Variants in RS1 observed in about 807,000 individuals in gnomAD.
RS1 encodes the protein retinoschisin 1.
A neutral mutation model predicts 20.8 loss-of-function variants in RS1; 2 were observed. That is an observed-to-expected ratio of 0.10 (90% CI 0.04 to 0.30). The LOEUF is 0.30. Ranked by LOEUF, RS1 falls within the 10% of genes least tolerant of loss-of-function variation. RS1 has a pLI of 1.00. For synonymous variants in RS1, 70 were observed against 75.8 expected (o/e 0.92, Z 0.40); for missense variants, 151 against 189.8 (o/e 0.80, Z 1.20).
rs776601149 is a variant in RS1 at position 18,653,529 on chromosome X, A to G, written c.184+3124T>C. Reference sequence around the variant, plus strand: ...TCCTGACATACCATGAGAATGCGGCACTGACGGGCAAGTGACTTCTGCAAG... The same window carrying G: ...TCCTGACATACCATGAGAATGCGGCGCTGACGGGCAAGTGACTTCTGCAAG... On this transcript the variant is annotated intron_variant, in intron 3 of 5. Transcript: ENST00000379984. 7 of 1,211,969 alleles carry G rather than the reference A, an allele frequency of 5.8e-6. No individual in the cohort carries two copies. In the South Asian group the frequency reaches 1.2e-4, roughly 21 times the overall value.
chrX:18,669,971 G>A (rs1484997881), intron 1 of RS1, among the ~76,000 whole-genome samples: 1 of 111,920 alleles, frequency 8.9e-6, no homozygotes, highest in Admixed American at 9.5e-5. Flanking sequence ...TCTGCTCTTC[G>A]TGGACATTTC....
intron 1 of RS1, among the ~76,000 whole-genome samples, chrX:18,667,415 C>T (rs931958089): frequency 9.1e-6 from 1 of 109,993 alleles, no homozygotes; most frequent in Non-Finnish European, 1.9e-5. Flanking sequence ...CATGGTGGTG[C>T]GTGCCTGTCA....
intron 3 of RS1, chrX:18,653,353 G>A (rs1928128054): frequency 2.6e-6 from 3 of 1,176,281 alleles, no homozygotes; most frequent in East Asian, 3.2e-5. Flanking sequence ...TCCGTGGGGG[G>A]CCCGGGCATT....
chrX:18,642,114 G>A lies in RS1; in HGVS notation c.565C>T (p.Leu189=), dbSNP rs375231198. The change falls in exon 6 of 6, where the codon CTG becomes TTG. Residue 189 remains leucine (L), a synonymous_variant. Transcript: ENST00000379984. The stretch of plus-strand genomic sequence containing the variant: ...CGGGAGATGATGGGGGGCCGCAGCA[G>A]GTTCTGAACCGTGGAGGTGCGGTCC... ...NSDRTSTVQN[L]LRPPIISRFI... 8.3e-7 allele frequency: 1 copy of A among 1,210,080 alleles called. No individual in the cohort carries two copies. Among genetic ancestry groups the A allele is most frequent in the African/African-American group, 1.7e-5 (1 of 57,161 alleles).
intron 1 of RS1, among the ~76,000 whole-genome samples, chrX:18,659,596 C>T (rs1049864390): frequency 4.5e-5 from 5 of 112,333 alleles, no homozygotes; most frequent in East Asian, 2.8e-4. Context: ...AGATACAGAA[C>T]GTTTCTATCA....
intron 1 of RS1, among the ~76,000 whole-genome samples, chrX:18,666,709 T>A (rs1928410352): frequency 1.8e-5 from 2 of 110,450 alleles, no homozygotes; most frequent in African/African-American, 6.6e-5. Flanking sequence ...CCCAGGGTGG[T>A]GGCAGTGGAA....
chrX:18,647,431 G>T, intron 3 of RS1, 99 bp from the exon 4 acceptor site: 1 of 936,825 alleles, frequency 1.1e-6, no homozygotes, highest in Non-Finnish European at 1.5e-6. Flanking sequence ...TTTGCGCTTC[G>T]GAGACGGAGA....
In RS1 at chrX:18,641,677, C is replaced by G. The variant is rs1569228432; in HGVS notation, c.*327G>C. On this transcript the variant is annotated 3_prime_UTR_variant, in exon 6 of 6. Coordinates refer to ENST00000379984, the MANE Select transcript of RS1 (RefSeq NM_000330.4). ...CAAATTATCAGGGCTGCTTTGTGTT[C>G]CCCTGAGACTGCACCTTTCACAGTA... 3.7e-6 allele frequency: 1 copy of G among 273,467 alleles called. No homozygotes were observed. Among genetic ancestry groups the G allele is most frequent in the Non-Finnish European group, 6.5e-6 (1 of 153,186 alleles). 22.5% of individuals were successfully genotyped at this position (273,467 alleles called of 1,213,427 possible).
intron 1 of RS1, among the ~76,000 whole-genome samples, chrX:18,660,308 C>T (rs367948478): frequency 1.8e-5 from 2 of 108,684 alleles, no homozygotes; most frequent in African/African-American, 3.4e-5. Flanking sequence ...CTCTGCCTTC[C>T]GGGTTCAAGC....
chrX:18,665,883 CAAA>C (rs55857132), intron 1 of RS1, among the ~76,000 whole-genome samples: 4 of 34,879 alleles, frequency 1.1e-4, no homozygotes, highest in African/African-American at 3.3e-4. Flanking sequence ...GACCCTGTCT[CAAA>C]AAAAAAAAAA....
Position 18,647,314 on chromosome X carries a change from G to C in RS1, c.203C>G (p.Pro68Arg). 1 of 1,211,080 alleles carries C rather than the reference G, an allele frequency of 8.3e-7. No homozygotes were observed. The highest frequency in any genetic ancestry group is 1.1e-6 in the Non-Finnish European group (1 of 895,241). ...DCIPECPYHK[P>R]LGFESGEVTP... ...GACCTCCCCTGACTCGAAACCCAGA[G>C]GCTTGTGATATGGGCATTCTGGGAA... Residue 68 changes from proline (P) to arginine (R), a missense_variant, in exon 4 of 6, where the codon CCT becomes CGT. Transcript: ENST00000379984.
Position 18,672,047 on chromosome X carries a change from A to G in RS1, c.22T>C (p.Phe8Leu). MSRKIEG[F>L]LLLLLFGYEA... Reference sequence around the variant, plus strand: ...TAGCCAAAGAGAAGTAATAACAAAAAGCCTTCTATCTTGCGTGACATCTTC... The same window carrying G: ...TAGCCAAAGAGAAGTAATAACAAAAGGCCTTCTATCTTGCGTGACATCTTC... The change falls in exon 1 of 6, where the codon TTT becomes CTT. Residue 8 changes from phenylalanine to leucine, a missense_variant. Physicochemically the swap from Phe to Leu is conservative, Grantham distance 22. Transcript: ENST00000379984. The G allele has an allele frequency of 2.5e-6, 3 of 1,211,230 alleles. No individual in the cohort carries two copies. Among genetic ancestry groups the G allele is most frequent in the Non-Finnish European group, 3.4e-6 (3 of 895,069 alleles).
chrX:18,662,870 G>A (rs770302982), intron 1 of RS1, among the ~76,000 whole-genome samples: 1 of 109,865 alleles, frequency 9.1e-6, no homozygotes, highest in East Asian at 2.8e-4. Flanking sequence ...CTCATGATCC[G>A]CCCACCTCGG....
intron 1 of RS1, among the ~76,000 whole-genome samples, chrX:18,662,629 C>CTTT (rs765805571): frequency 1.0e-5 from 1 of 98,727 alleles, no homozygotes; most frequent in African/African-American, 3.7e-5. Flanking sequence ...TGAACTCATC[C>CTTT]TTTTTTTTTT....
intron 3 of RS1, among the ~76,000 whole-genome samples, chrX:18,648,760 G>A (rs1298420485): frequency 9.0e-6 from 1 of 111,613 alleles, no homozygotes; most frequent in Non-Finnish European, 1.9e-5. Flanking sequence ...TAGTTGGTGT[G>A]ACAGTAACCA....
Position 18,640,133 on chromosome X carries a change from A to C in RS1, c.*1871T>G, listed in dbSNP as rs773897041. The C allele has an allele frequency of 9.0e-6, 1 of 111,568 alleles. No individual in the cohort carries two copies. Among genetic ancestry groups the C allele is most frequent in the African/African-American group, 3.3e-5 (1 of 30,727 alleles). 9.2% of individuals were successfully genotyped at this position (111,568 alleles called of 1,213,427 possible). A position where few individuals can be genotyped will look rare whatever the true frequency, so the allele number is the denominator to read the frequency against. ...AAAAGTCATCAAATTGTACACTTTA[A>C]ATGGATACAAATTGTATGTGAACTT... On this transcript the variant is annotated 3_prime_UTR_variant, in exon 6 of 6. Coordinates refer to ENST00000379984, the MANE Select transcript of RS1 (RefSeq NM_000330.4).
chrX:18,646,106 C>T lies in RS1; in HGVS notation c.326+1085G>A, dbSNP rs778757202. 7.0e-5 allele frequency: 85 copies of T among 1,209,553 alleles called. No homozygotes were observed. The highest frequency in any genetic ancestry group is 1.9e-4 in the African/African-American group (11 of 57,071). ...GAACAACAAGGTAGAGTCTGGGCCC[C>T]GCATGCCATCAAGCTGCCATAACGA... On this transcript the variant is annotated intron_variant, in intron 4 of 5. Coordinates refer to ENST00000379984, the MANE Select transcript of RS1 (RefSeq NM_000330.4).
intron 1 of RS1, among the ~76,000 whole-genome samples, chrX:18,666,533 G>A (rs902535693): frequency 3.6e-5 from 4 of 111,684 alleles, no homozygotes; most frequent in African/African-American, 1.3e-4. Flanking sequence ...CGTGGGCCAT[G>A]TGAGGCTTTG....
intron 1 of RS1, among the ~76,000 whole-genome samples, chrX:18,665,382 A>C (rs749223554): frequency 9.9e-5 from 11 of 111,339 alleles, no homozygotes; most frequent in Non-Finnish European, 1.9e-4. Context: ...TATAATAATA[A>C]AGTGTCCTTC....
Sources: gnomAD v4.1 joint callset for allele counts (sites outside exome capture counted in the v4.1 genomes callset) on GRCh38, gnomAD v4.1.1 for gene constraint, MANE v1.5 for transcripts, NCBI Gene and HGNC (gene_info 2026-07-23, HGNC 2026-07-21) for gene names.